The following XKR4 variants were observed in gnomAD, a reference collection of about 807,000 sequenced individuals.
XKR4 encodes XK related 4, also known as XK-related protein 4.
Under a neutral mutation model 53.9 loss-of-function variants are expected in XKR4, and 12 were observed. The observed-to-expected ratio is 0.22, with a 90% CI of 0.14 to 0.36. The LOEUF (loss-of-function observed/expected upper bound fraction) is 0.36, where lower values mean the gene tolerates loss of function less well. XKR4 is among the 10% of genes least tolerant of loss of function. The probability of loss-of-function intolerance (pLI) is 1.00; values close to 1 mark genes in which losing one functional copy is unlikely to be tolerated. For missense variants in XKR4, 799 were observed against 859.5 expected (o/e 0.93, Z 0.88); for synonymous variants, 354 against 362.4 (o/e 0.98, Z 0.26).
intron 2 of XKR4, among the ~76,000 whole-genome samples, chr8:55,372,255 G>A (rs944216244): frequency 1.3e-5 from 2 of 152,134 alleles, no homozygotes; most frequent in Non-Finnish European, 2.9e-5. Flanking sequence ...GTCTTCATTT[G>A]CCAACCTCTA....
At chr8:55,118,541 G>T (rs1448601638) in intron 1 of XKR4, among the ~76,000 whole-genome samples, 1 of 152,176 alleles carries the variant, frequency 6.6e-6, no homozygotes, top group Admixed American at 6.5e-5. Flanking sequence ...TCCAGCATAG[G>T]CAAGTGCTAG....
intron 2 of XKR4, among the ~76,000 whole-genome samples, chr8:55,438,569 G>T (rs1805212527): frequency 8.1e-6 from 1 of 123,368 alleles, no homozygotes. Flanking sequence ...CAGCCTAGGT[G>T]ACAGAGCAAG....
At chr8:55,391,155 A>C (rs1046605058) in intron 2 of XKR4, among the ~76,000 whole-genome samples, 3 of 152,234 alleles carry the variant, frequency 2.0e-5, no homozygotes, top group African/African-American at 7.2e-5. Flanking sequence ...GCAGTGAAGA[A>C]ACAGGAGCTC....
chr8:55,454,791 G>A (rs1314250105), intron 2 of XKR4: 3 of 770,930 alleles, frequency 3.9e-6, no homozygotes, highest in Non-Finnish European at 7.2e-6. Context: ...CAAACATCTG[G>A]GCAGATGGGC....
chr8:55,385,762 T>C (rs1250796123), intron 2 of XKR4, among the ~76,000 whole-genome samples: 1 of 152,180 alleles, frequency 6.6e-6, no homozygotes, highest in East Asian at 1.9e-4. Context: ...CATAGCACAT[T>C]AGAAATACAT....
At chr8:55,187,305 CAAA>C (rs1168014848) in intron 1 of XKR4, among the ~76,000 whole-genome samples, 57 of 95,830 alleles carry the variant, frequency 5.9e-4, no homozygotes, top group African/African-American at 1.9e-3. Flanking sequence ...TTTCCAGGAC[CAAA>C]AAAAAAAAAA....
intron 2 of XKR4, chr8:55,450,777 G>A: frequency 1.8e-6 from 1 of 542,466 alleles, no homozygotes; most frequent in Non-Finnish European, 3.5e-6. Flanking sequence ...AGTAGAAGGG[G>A]TCTGAGAACA....
chr8:55,454,085 T>A, intron 2 of XKR4: 1 of 823,524 alleles, frequency 1.2e-6, no homozygotes, highest in Non-Finnish European at 2.1e-6. Context: ...GTCCTGCATA[T>A]TCAAGGAGGA....
rs1293511898 is a variant in XKR4, at chr8:55,529,324, G to T, written c.*5097G>T. On this transcript the variant is annotated 3_prime_UTR_variant, in exon 3 of 3. Transcript: ENST00000327381. ...GAGGCCTATATTCTGCTAAACAAGA[G>T]ATGACTTAATGTCCTTGAAATATTT... 6.6e-6 allele frequency: 1 copy of T among 151,988 alleles called. No individual in the cohort carries two copies. Among genetic ancestry groups the T allele is most frequent in the Non-Finnish European group, 1.5e-5 (1 of 67,986 alleles). The allele number at this position is 151,988 out of a possible 1,614,324, so 9.4% of individuals were successfully genotyped here.
intron 2 of XKR4, among the ~76,000 whole-genome samples, chr8:55,417,980 G>A (rs575544585): frequency 4.6e-5 from 7 of 152,296 alleles, no homozygotes; most frequent in African/African-American, 1.4e-4. Flanking sequence ...CCCTGAGAAA[G>A]AGACAGCGAT....
chr8:55,363,826 T>A (rs1187284882), intron 2 of XKR4, among the ~76,000 whole-genome samples: 2 of 152,216 alleles, frequency 1.3e-5, no homozygotes, highest in African/African-American at 2.4e-5. Context: ...ATCTGCCTAC[T>A]CTGCAGTTGC....
intron 2 of XKR4, among the ~76,000 whole-genome samples, chr8:55,465,716 G>A (rs1410058943): frequency 1.9e-4 from 28 of 151,310 alleles, no homozygotes; most frequent in African/African-American, 5.1e-4. Flanking sequence ...AGAATGGGAG[G>A]AAATTTTTGC....
At chr8:55,421,567 A>G (rs1804932961) in intron 2 of XKR4, among the ~76,000 whole-genome samples, 1 of 152,190 alleles carries the variant, frequency 6.6e-6, no homozygotes, top group African/African-American at 2.4e-5. Flanking sequence ...GGACACGTCA[A>G]CAGACAACAG....
chr8:55,377,100 C>T (rs2129386939), intron 2 of XKR4, among the ~76,000 whole-genome samples: 1 of 152,176 alleles, frequency 6.6e-6, no homozygotes, highest in Admixed American at 6.5e-5. Context: ...CCCGCCACCA[C>T]CACCACCTGG....
rs1806874707 is a variant in XKR4 at position 55,525,738 on chromosome 8, A to T, written c.*1511A>T. 6.6e-6 allele frequency: 1 copy of T among 152,650 alleles called. No individual in the cohort carries two copies. Among genetic ancestry groups the T allele is most frequent in the Non-Finnish European group, 1.5e-5 (1 of 68,046 alleles). 9.5% of individuals were successfully genotyped at this position (152,650 alleles called of 1,614,324 possible). On this transcript the variant is annotated 3_prime_UTR_variant, in exon 3 of 3. Coordinates refer to ENST00000327381, the MANE Select transcript of XKR4 (RefSeq NM_052898.2). ...TGGATTATTTCAATATTTTTGTAAT[A>T]AAAAATATAGGGTATACACATAGGC...
intron 2 of XKR4, chr8:55,449,427 G>C: frequency 1.4e-6 from 1 of 705,292 alleles, no homozygotes; most frequent in Non-Finnish European, 2.5e-6. Context: ...GGCCGGGGCT[G>C]TAAACATGGC....
At chr8:55,279,777 C>A (rs961278104) in intron 1 of XKR4, among the ~76,000 whole-genome samples, 1 of 152,108 alleles carries the variant, frequency 6.6e-6, no homozygotes, top group Non-Finnish European at 1.5e-5. Flanking sequence ...CAGAATGGGG[C>A]CATGTCTTGG....
intron 2 of XKR4, among the ~76,000 whole-genome samples, chr8:55,522,965 A>T (rs1806819652): frequency 6.6e-6 from 1 of 151,904 alleles, no homozygotes; most frequent in Non-Finnish European, 1.5e-5. Context: ...ACATGGTGAA[A>T]CCCCGTCTCT....
chr8:55,398,323 C>T (rs1804553108), intron 2 of XKR4, among the ~76,000 whole-genome samples: 1 of 152,206 alleles, frequency 6.6e-6, no homozygotes, highest in Non-Finnish European at 1.5e-5. Flanking sequence ...TGCCCCATCC[C>T]TACCCACCCA....
Sources: gnomAD v4.1 joint callset for allele counts (sites outside exome capture counted in the v4.1 genomes callset) on GRCh38, gnomAD v4.1.1 for gene constraint, MANE v1.5 for transcripts, NCBI Gene and HGNC (gene_info 2026-07-23, HGNC 2026-07-21) for gene names.